Variants in EPHA6 observed in about 807,000 individuals in gnomAD.
The protein encoded by EPHA6 is EPH receptor A6.
A neutral mutation model predicts 112.0 loss-of-function variants in EPHA6; 50 were observed. The observed-to-expected ratio is 0.45, with a 90% CI of 0.36 to 0.56. EPHA6 has a LOEUF of 0.56. Among genes scored for constraint, EPHA6 ranks in the 20% least tolerant of loss-of-function variants. EPHA6 has a pLI of 0.00. For missense variants in EPHA6, 1,280 were observed against 1,417.4 expected (o/e 0.90, Z 1.56); for synonymous variants, 529 against 490.7 (o/e 1.08, Z -1.03).
Position 97,653,735 on chromosome 3 carries a change from A to G in EPHA6, c.2784+15653A>G, listed in dbSNP as rs116870262. On this transcript the variant is annotated intron_variant, in intron 14 of 17. Transcript: ENST00000389672. ...TGCTGCATCATTATTCAAAATAGCC[A>G]AGATATAAAAACAACCTAAATATTT... Among the ~76,000 whole-genome samples, 154 of 152,090 alleles carry G rather than the reference A, an allele frequency of 1.0e-3. 4 individuals carry two copies. In the East Asian group the frequency reaches 0.026, roughly 26 times the overall value.
At chr3:97,212,657 C>A (rs996269337) in intron 3 of EPHA6, among the ~76,000 whole-genome samples, 1 of 152,046 alleles carries the variant, frequency 6.6e-6, no homozygotes, top group African/African-American at 2.4e-5. Flanking sequence ...CTTGTCCATC[C>A]CTTGAGTGTA....
At chr3:97,500,450 A>G (rs980159775) in intron 10 of EPHA6, among the ~76,000 whole-genome samples, 2 of 152,100 alleles carry the variant, frequency 1.3e-5, no homozygotes, top group East Asian at 3.9e-4. Flanking sequence ...GGAGCAAAAT[A>G]GAGAGTGGAG....
At chr3:97,143,529 C>A (rs1253783095) in intron 3 of EPHA6, among the ~76,000 whole-genome samples, 1 of 151,602 alleles carries the variant, frequency 6.6e-6, no homozygotes, top group Admixed American at 6.6e-5. Flanking sequence ...TGTCGTTTTC[C>A]AAATGTTGGT....
At chr3:97,279,533 T>C (rs112035921) in intron 5 of EPHA6, among the ~76,000 whole-genome samples, 1,978 of 147,586 alleles carry the variant, frequency 0.013, 46 homozygotes, top group African/African-American at 0.045. Flanking sequence ...GCAAGGGAAG[T>C]GCAAATTAAA....
chr3:97,033,441 C>A (rs1473953449), intron 3 of EPHA6, among the ~76,000 whole-genome samples: 1 of 151,880 alleles, frequency 6.6e-6, no homozygotes, highest in African/African-American at 2.4e-5. Flanking sequence ...CTGAATTTAT[C>A]CACATATATC....
chr3:97,638,161 C>A, intron 14 of EPHA6, 79 bp downstream of exon 14: 1 of 1,028,732 alleles, frequency 9.7e-7, no homozygotes, highest in Non-Finnish European at 1.4e-6. Context: ...TCTGTTTCTG[C>A]CTTCCTAATT....
chr3:97,638,624 T>G (rs1032469925), intron 14 of EPHA6, among the ~76,000 whole-genome samples: 3 of 152,166 alleles, frequency 2.0e-5, no homozygotes, highest in Non-Finnish European at 4.4e-5. Flanking sequence ...ATTTAAAACT[T>G]TAGAACCAAA....
chr3:97,497,263 T>A (rs2107542396), intron 10 of EPHA6, among the ~76,000 whole-genome samples: 1 of 152,284 alleles, frequency 6.6e-6, no homozygotes, highest in Middle Eastern at 3.4e-3. Flanking sequence ...CACGCATTGC[T>A]CTGGCAACAA....
intron 14 of EPHA6, among the ~76,000 whole-genome samples, chr3:97,712,162 T>G (rs1387674870): frequency 6.6e-6 from 1 of 152,250 alleles, no homozygotes; most frequent in Non-Finnish European, 1.5e-5. Flanking sequence ...TAAAATCCAT[T>G]ACTTTTGTGT....
At chr3:97,718,200 A>G (rs1389225149) in intron 14 of EPHA6, among the ~76,000 whole-genome samples, 1 of 152,236 alleles carries the variant, frequency 6.6e-6, no homozygotes, top group Non-Finnish European at 1.5e-5. Flanking sequence ...CAGAGCCACA[A>G]GACTGAGGCA....
intron 7 of EPHA6, among the ~76,000 whole-genome samples, chr3:97,452,469 C>A (rs1319610377): frequency 6.6e-6 from 1 of 151,644 alleles, no homozygotes; most frequent in African/African-American, 2.4e-5. Context: ...TTTCTGATTT[C>A]TCGCTGGGCT....
chr3:97,381,385 C>T (rs2085720143), intron 5 of EPHA6, among the ~76,000 whole-genome samples: 1 of 151,934 alleles, frequency 6.6e-6, no homozygotes, highest in African/African-American at 2.4e-5. Context: ...GACATAGACA[C>T]TATTAGTATT....
rs78461078 is a variant in EPHA6 at position 97,527,505 on chromosome 3, C to G, written c.2201-4853C>G. ...TAGATATCTGTTTTAATTGCTTCCTCTTTACCCTGTTGGTGAGGGAAGGAT... is the reference window on the plus strand; with the variant it reads ...TAGATATCTGTTTTAATTGCTTCCTGTTTACCCTGTTGGTGAGGGAAGGAT... On this transcript the variant is annotated intron_variant, in intron 10 of 17. Coordinates refer to ENST00000389672, the MANE Select transcript of EPHA6 (RefSeq NM_001080448.3). 3.3e-3 allele frequency among the ~76,000 whole-genome samples: 497 copies of G among 152,204 alleles called. 1 individual carries two copies. Among genetic ancestry groups the G allele is most frequent in the Middle Eastern group, 0.014 (4 of 294 alleles).
At chr3:97,281,201 ATGTGTGTG>A (rs10547257) in intron 5 of EPHA6, among the ~76,000 whole-genome samples, 143 of 140,562 alleles carry the variant, frequency 1.0e-3, no homozygotes, top group African/African-American at 4.1e-3. Context: ...CAAAGAGTCT[ATGTGTGTG>A]TGTGTGTGTG....
intron 5 of EPHA6, among the ~76,000 whole-genome samples, chr3:97,329,181 A>G (rs1412762555): frequency 2.0e-5 from 3 of 151,858 alleles, no homozygotes; most frequent in South Asian, 2.1e-4. Flanking sequence ...ATTCCATGGT[A>G]TATATGTGCC....
At chr3:97,108,808 T>TA (rs1405549144) in intron 3 of EPHA6, among the ~76,000 whole-genome samples, 1 of 152,166 alleles carries the variant, frequency 6.6e-6, no homozygotes, top group Non-Finnish European at 1.5e-5. Context: ...TTCCAGTTAT[T>TA]ATTGAGAATT....
intron 4 of EPHA6, among the ~76,000 whole-genome samples, chr3:97,236,209 G>C (rs2078674924): frequency 1.3e-5 from 2 of 151,788 alleles, no homozygotes; most frequent in African/African-American, 2.4e-5. Context: ...ACTGTCCAAG[G>C]CTTTTCCAGG....
At position 97,026,274 on chromosome 3, in the gene EPHA6, A is replaced by T. The variant is rs573631617; in HGVS notation, c.1114+38281A>T. On this transcript the variant is annotated intron_variant, in intron 3 of 17. Transcript: ENST00000389672. ...ATCGGGCTCTTTTTGGTTCCAGATG[A>T]ATTTTAGAATCCTTTTTTCTAGTTC... is the stretch of plus-strand genomic sequence containing the variant. Among the ~76,000 whole-genome samples the T allele has an allele frequency of 1.3e-4, 20 of 151,962 alleles. No homozygotes were observed. In the South Asian group the frequency reaches 2.9e-3, roughly 22 times the overall value.
At chr3:97,264,631 G>T (rs913439453) in intron 5 of EPHA6, among the ~76,000 whole-genome samples, 3 of 152,216 alleles carry the variant, frequency 2.0e-5, no homozygotes, top group African/African-American at 7.2e-5. Flanking sequence ...AGCCCAGTTT[G>T]TGATACAGCA....
Sources: gnomAD v4.1 joint callset for allele counts (sites outside exome capture counted in the v4.1 genomes callset) on GRCh38, gnomAD v4.1.1 for gene constraint, MANE v1.5 for transcripts, NCBI Gene and HGNC (gene_info 2026-07-23, HGNC 2026-07-21) for gene names.